Variants in SLC45A2 observed in about 807,000 individuals in gnomAD.
The protein encoded by SLC45A2 is solute carrier family 45 member 2, also known as membrane-associated transporter protein.
SLC45A2 carries 36 observed loss-of-function variants against 45.5 expected under a neutral mutation model. The observed-to-expected ratio is 0.79, with a 90% CI of 0.61 to 1.04. The LOEUF is 1.04. Ranked by LOEUF, SLC45A2 falls within the 50% of genes least tolerant of loss-of-function variation. The pLI is 0.00. For synonymous variants in SLC45A2, 306 were observed against 269.3 expected (o/e 1.14, Z -1.33); for missense variants, 719 against 671.0 (o/e 1.07, Z -0.79).
intron 2 of SLC45A2, among the ~76,000 whole-genome samples, chr5:33,976,443 C>A (rs1752931567): frequency 1.3e-5 from 2 of 152,176 alleles, no homozygotes; most frequent in Admixed American, 1.3e-4. Context: ...ATGGCAAAGG[C>A]CAAGAAAGAG....
chr5:33,959,352 A>G (rs928434354), intron 3 of SLC45A2, among the ~76,000 whole-genome samples: 31 of 152,340 alleles, frequency 2.0e-4, no homozygotes, highest in African/African-American at 7.2e-4. Flanking sequence ...GCTGTCCTGC[A>G]TAAATGCACA....
At chr5:33,961,475 TTA>T (rs1222339443) in intron 3 of SLC45A2, among the ~76,000 whole-genome samples, 1 of 152,202 alleles carries the variant, frequency 6.6e-6, no homozygotes, top group Non-Finnish European at 1.5e-5. Context: ...AAAAAATTTT[TTA>T]TGTCTGTGGC....
At chr5:33,975,669 C>T (rs1752908115) in intron 2 of SLC45A2, among the ~76,000 whole-genome samples, 1 of 152,076 alleles carries the variant, frequency 6.6e-6, no homozygotes, top group Non-Finnish European at 1.5e-5. Context: ...ATTGTAATTG[C>T]TCCTTCCTTT....
intron 2 of SLC45A2, among the ~76,000 whole-genome samples, chr5:33,965,143 A>AT (rs1412643051): frequency 3.9e-4 from 60 of 152,066 alleles, no homozygotes; most frequent in East Asian, 7.7e-4. Context: ...TTTGTTTTTG[A>AT]TTTTTTTTGT....
intron 3 of SLC45A2, among the ~76,000 whole-genome samples, chr5:33,959,986 A>G (rs1372970653): frequency 6.6e-6 from 1 of 152,192 alleles, no homozygotes; most frequent in Non-Finnish European, 1.5e-5. Flanking sequence ...CTGACTATAC[A>G]TAGCAAAAAA....
intron 2 of SLC45A2, among the ~76,000 whole-genome samples, chr5:33,966,070 G>T (rs1278627585): frequency 6.6e-6 from 1 of 152,130 alleles, no homozygotes; most frequent in African/African-American, 2.4e-5. Flanking sequence ...TCAGTTGGAA[G>T]AATATAGAGC....
At chr5:33,945,857 G>T in intron 6 of SLC45A2, 3 of 710,832 alleles carry the variant, frequency 4.2e-6, no homozygotes, top group Non-Finnish European at 5.2e-6. Context: ...AGGAAAATAA[G>T]AAAACAGATT....
In SLC45A2 at chr5:33,984,621, C is replaced by CTCCTG; in HGVS notation, c.-43_-39dup. On this transcript the variant is annotated 5_prime_UTR_variant, in exon 1 of 7. Coordinates refer to ENST00000296589, the MANE Select transcript of SLC45A2 (RefSeq NM_016180.5). ...AGGAACCTTCCTGCGAGCCCACCAC[C>CTCCTG]TCCTGCGTGGTCCTAGGGTCTGTGT... 6.2e-7 allele frequency: 1 copy of CTCCTG among 1,603,370 alleles called. No individual in the cohort carries two copies. The highest frequency in any genetic ancestry group is 8.5e-7 in the Non-Finnish European group (1 of 1,179,822).
chr5:33,958,081 G>A (rs1002952644), intron 3 of SLC45A2, among the ~76,000 whole-genome samples: 5 of 152,152 alleles, frequency 3.3e-5, no homozygotes, highest in African/African-American at 1.2e-4. Context: ...CTGTCAGCTG[G>A]AGACTGGGTA....
At chr5:33,949,007 T>C (rs1752018471) in intron 5 of SLC45A2, among the ~76,000 whole-genome samples, 1 of 152,244 alleles carries the variant, frequency 6.6e-6, no homozygotes, top group East Asian at 1.9e-4. Context: ...AATGCCTCTC[T>C]TCAGGACTGA....
chr5:33,969,065 C>CTCTCTCTCTCTCTCTCTCTGTGTGTG, intron 2 of SLC45A2, among the ~76,000 whole-genome samples: 2,609 of 102,248 alleles, frequency 0.026, 82 homozygotes, highest in Non-Finnish European at 0.042. Flanking sequence ...CTCTCTCTCT[C>CTCTCTCTCTCTCTCTCTCTGTGTGTG]TGTGTGTGTG....
chr5:33,955,191 GA>G (rs1434258867), intron 3 of SLC45A2, among the ~76,000 whole-genome samples: 2 of 152,176 alleles, frequency 1.3e-5, no homozygotes, highest in Admixed American at 1.3e-4. Context: ...ACCTGAGAGT[GA>G]CATTTAGGGG....
At chr5:33,983,844 T>C (rs1381311346) in intron 1 of SLC45A2, among the ~76,000 whole-genome samples, 4 of 152,178 alleles carry the variant, frequency 2.6e-5, no homozygotes, top group African/African-American at 9.7e-5. Flanking sequence ...AGCCAGTCAA[T>C]TTGATAAGAG....
At chr5:33,972,518 T>C (rs1752815825) in intron 2 of SLC45A2, 1 of 200,604 alleles carries the variant, frequency 5.0e-6, no homozygotes, top group African/African-American at 2.4e-5. Flanking sequence ...AGGAGGTATG[T>C]TTGCAATTCA....
chr5:33,951,830 T>A (rs1165011306), intron 4 of SLC45A2, among the ~76,000 whole-genome samples, 153 bp from the exon 5 acceptor site: 1 of 152,160 alleles, frequency 6.6e-6, no homozygotes, highest in African/African-American at 2.4e-5. Flanking sequence ...CCAAGTCGCA[T>A]CCTATCACAT....
chr5:33,951,673 A>G lies in SLC45A2; in HGVS notation c.1037T>C (p.Val346Ala), dbSNP rs747719304. The change falls in exon 5 of 7, where the codon GTG (valine) becomes GCG (alanine). Residue 346 changes from valine (V) to alanine (A), a missense_variant. Val to Ala is a moderately conservative substitution (Grantham distance 64). Transcript: ENST00000296589. ...TGCACTATAGGGATCCCCGCGGTAC[A>G]CAATCTGAAAGAGAGATTGGAGGCT... is the stretch of plus-strand genomic sequence containing the variant. ...LFFTDFMGQI[V>A]YRGDPYSAHN... The G allele has an allele frequency of 1.2e-6, 2 of 1,614,104 alleles. No homozygotes were observed. Among genetic ancestry groups the G allele is most frequent in the Non-Finnish European group, 1.7e-6 (2 of 1,180,040 alleles).
At chr5:33,984,058 A>G in intron 1 of SLC45A2, 141 bp downstream of exon 1, 1 of 1,194,918 alleles carries the variant, frequency 8.4e-7, no homozygotes, top group Admixed American at 2.0e-5. Flanking sequence ...CAAATTTGTC[A>G]AAGGGGAAGT....
intron 3 of SLC45A2, 62 bp from the exon 4 acceptor site, chr5:33,954,566 G>T: frequency 6.2e-7 from 1 of 1,604,162 alleles, no homozygotes; most frequent in Admixed American, 1.7e-5. Flanking sequence ...AGCTAAGGGA[G>T]CCAGAACACA....
chr5:33,952,125 TATC>T (rs1261121878), intron 4 of SLC45A2, among the ~76,000 whole-genome samples: 2 of 152,126 alleles, frequency 1.3e-5, no homozygotes, highest in African/African-American at 4.8e-5. Context: ...GTGTATTTAT[TATC>T]ATATTTTATT....
Sources: gnomAD v4.1 joint callset for allele counts (sites outside exome capture counted in the v4.1 genomes callset) on GRCh38, gnomAD v4.1.1 for gene constraint, MANE v1.5 for transcripts, NCBI Gene and HGNC (gene_info 2026-07-23, HGNC 2026-07-21) for gene names.